FAF1: variants seen among roughly 807,000 people sequenced by gnomAD.
FAF1 encodes the protein FAS-associated factor 1.
FAF1 carries 25 observed loss-of-function variants against 92.5 expected under a neutral mutation model. The ratio of observed to expected loss-of-function variants is 0.27; its 90% confidence interval spans 0.20 to 0.38. FAF1 has a LOEUF of 0.38. FAF1 is among the 10% of genes least tolerant of loss of function. FAF1 has a pLI of 1.00. For missense variants in FAF1, 636 were observed against 793.3 expected, an observed-to-expected ratio of 0.80 and a Z score of 2.38; for synonymous variants, 234 against 273.2, an observed-to-expected ratio of 0.86 and a Z score of 1.42.
At chr1:50,657,066 G>A (rs1190434182) in intron 7 of FAF1, among the ~76,000 whole-genome samples, 2 of 151,844 alleles carry the variant, frequency 1.3e-5, no homozygotes, top group Non-Finnish European at 2.9e-5. Context: ...AACAAAATTA[G>A]CTAGGCATGG....
At chr1:50,941,106 G>A (rs1183313873) in intron 1 of FAF1, among the ~76,000 whole-genome samples, 3 of 149,972 alleles carry the variant, frequency 2.0e-5, no homozygotes, top group Non-Finnish European at 3.0e-5. Context: ...ATCTTGACTC[G>A]CTGCAACCTC....
intron 1 of FAF1, among the ~76,000 whole-genome samples, chr1:50,910,103 T>A (rs1472577504): frequency 1.3e-5 from 2 of 152,242 alleles, no homozygotes; most frequent in African/African-American, 4.8e-5. Context: ...CTTCTAACAG[T>A]CAGGACCCTC....
intron 2 of FAF1, among the ~76,000 whole-genome samples, chr1:50,823,070 G>A (rs888502377): frequency 2.0e-5 from 3 of 152,070 alleles, no homozygotes; most frequent in Admixed American, 6.5e-5. Context: ...CACCGTGCCC[G>A]GCCAAGGCTA....
chr1:50,841,977 T>C (rs1322351611), intron 2 of FAF1, among the ~76,000 whole-genome samples: 1 of 152,074 alleles, frequency 6.6e-6, no homozygotes, highest in East Asian at 1.9e-4. Context: ...GATCATTACA[T>C]TTCCAAACTA....
chr1:50,614,087 CT>C (rs973787627), intron 8 of FAF1, among the ~76,000 whole-genome samples: 19 of 151,488 alleles, frequency 1.3e-4, no homozygotes, highest in Non-Finnish European at 2.8e-4. Flanking sequence ...TAGAGTGAGA[CT>C]CTGTCTGAAA....
At chr1:50,595,641 C>G (rs1199355330) in intron 9 of FAF1, among the ~76,000 whole-genome samples, 2 of 152,148 alleles carry the variant, frequency 1.3e-5, no homozygotes, top group African/African-American at 4.8e-5. Context: ...CTGCTGGATT[C>G]AAGCAATTCT....
At chr1:50,840,987 C>A (rs1437472283) in intron 2 of FAF1, among the ~76,000 whole-genome samples, 1 of 151,906 alleles carries the variant, frequency 6.6e-6, no homozygotes, top group Non-Finnish European at 1.5e-5. Context: ...GTCTGGAAGT[C>A]CATCAGGACC....
rs554029282 is a variant in FAF1 at position 50,815,501 on chromosome 1, G to A, written c.115-13824C>T. ...TAGATTGATTCCATGTCTTCGCTATGGTGAATACTGCTGTGATGAACACAT... is the reference window on the plus strand; with the variant it reads ...TAGATTGATTCCATGTCTTCGCTATAGTGAATACTGCTGTGATGAACACAT... On this transcript the variant is annotated intron_variant, in intron 2 of 18. Transcript: ENST00000396153. 1.9e-4 allele frequency among the ~76,000 whole-genome samples: 29 copies of A among 152,254 alleles called. 1 individual carries two copies. The highest frequency in any genetic ancestry group is 1.8e-3 in the Admixed American group (28 of 15,300).
intron 7 of FAF1, among the ~76,000 whole-genome samples, chr1:50,667,227 T>A (rs563322706): frequency 6.6e-6 from 1 of 152,232 alleles, no homozygotes; most frequent in South Asian, 2.1e-4. Context: ...ATCATGAGAG[T>A]TACCAAGGCT....
intron 18 of FAF1, among the ~76,000 whole-genome samples, chr1:50,472,369 AC>A: frequency 2.2e-4 from 1 of 4,556 alleles, no homozygotes; most frequent in Middle Eastern, 0.083. Flanking sequence ...GGGAAAACAT[AC>A]ACACACACAC....
intron 8 of FAF1, among the ~76,000 whole-genome samples, chr1:50,622,850 C>T (rs1258840630): frequency 1.3e-5 from 2 of 152,140 alleles, no homozygotes; most frequent in African/African-American, 4.8e-5. Flanking sequence ...TACCTGTGCA[C>T]ACCAGGAAGC....
In FAF1 at chr1:50,441,262, G is replaced by C. The variant is rs1646163372; in HGVS notation, c.*178C>G. ...ATAAGGGTTGGGAATATATACTCAT[G>C]GATGGGAAATCTTAAGTAGCTATAT... On this transcript the variant is annotated 3_prime_UTR_variant, in exon 19 of 19. Coordinates refer to ENST00000396153, the MANE Select transcript of FAF1 (RefSeq NM_007051.3). The C allele has an allele frequency of 1.9e-6, 1 of 520,136 alleles. No homozygotes were observed. Among genetic ancestry groups the C allele is most frequent in the South Asian group, 3.0e-5 (1 of 33,534 alleles). The allele number at this position is 520,136 out of a possible 1,614,324, so 32.2% of individuals were successfully genotyped here.
chr1:50,765,024 A>C (rs1419294586), intron 4 of FAF1, among the ~76,000 whole-genome samples: 1 of 152,248 alleles, frequency 6.6e-6, no homozygotes, highest in East Asian at 1.9e-4. Flanking sequence ...TTACAGATTA[A>C]TATGGATATT....
chr1:50,503,610 G>A (rs1370556089), intron 15 of FAF1, among the ~76,000 whole-genome samples: 7 of 145,588 alleles, frequency 4.8e-5, no homozygotes, highest in Admixed American at 2.1e-4. Context: ...GTGATTCCCT[G>A]TCTCTTTAAA....
intron 18 of FAF1, 115 bp downstream of exon 18, chr1:50,475,349 T>C (rs1203317161): frequency 2.6e-6 from 2 of 759,564 alleles, no homozygotes; most frequent in African/African-American, 3.5e-5. Flanking sequence ...GAAGGACTCC[T>C]GTTTGTCTTG....
intron 13 of FAF1, among the ~76,000 whole-genome samples, chr1:50,544,904 T>A (rs890782173): frequency 6.6e-6 from 1 of 151,972 alleles, no homozygotes; most frequent in Non-Finnish European, 1.5e-5. Context: ...GACATTGAAG[T>A]TGGAAAGTAT....
At chr1:50,472,840 G>A (rs986230137) in intron 18 of FAF1, among the ~76,000 whole-genome samples, 14 of 152,152 alleles carry the variant, frequency 9.2e-5, no homozygotes, top group African/African-American at 3.4e-4. Flanking sequence ...AGACACAGAT[G>A]GCTGTTACAG....
intron 8 of FAF1, among the ~76,000 whole-genome samples, chr1:50,646,729 C>A (rs1010510631): frequency 6.6e-6 from 1 of 152,174 alleles, no homozygotes; most frequent in Non-Finnish European, 1.5e-5. Context: ...ATGTCTCCCA[C>A]CAAACTCATC....
chr1:50,506,072 C>A (rs898383295), intron 15 of FAF1, among the ~76,000 whole-genome samples: 4 of 152,070 alleles, frequency 2.6e-5, no homozygotes, highest in Non-Finnish European at 5.9e-5. Context: ...TTTTGCACCA[C>A]AGATAAAAAT....
Sources: gnomAD v4.1 joint callset for allele counts (sites outside exome capture counted in the v4.1 genomes callset) on GRCh38, gnomAD v4.1.1 for gene constraint, MANE v1.5 for transcripts, NCBI Gene and HGNC (gene_info 2026-07-23, HGNC 2026-07-21) for gene names.